The following PYY variants were observed in gnomAD, a reference collection of about 807,000 sequenced individuals.
PYY encodes the protein peptide YY, also known as peptide tyrosine tyrosine.
In PYY, 12 loss-of-function variants were observed where a neutral mutation model predicts 10.3. The observed-to-expected ratio is 1.17, with a 90% CI of 0.75 to 1.89. The LOEUF is 1.89. PYY is among the 40% of genes most tolerant of loss of function. The probability of loss-of-function intolerance (pLI) is 0.00; values close to 1 mark genes in which losing one functional copy is unlikely to be tolerated. For missense variants in PYY, 141 were observed against 134.0 expected, an observed-to-expected ratio of 1.05 and a Z score of -0.26; for synonymous variants, 66 against 62.0, an observed-to-expected ratio of 1.06 and a Z score of -0.30.
At chr17:44,001,189 G>A (rs2049024246) in intron 1 of PYY, among the ~76,000 whole-genome samples, 1 of 152,162 alleles carries the variant, frequency 6.6e-6, no homozygotes, top group African/African-American at 2.4e-5. Flanking sequence ...ATGCCCTGCT[G>A]GGCTGAGATG....
At chr17:43,953,062 C>G in intron 3 of PYY, 47 bp downstream of exon 3, 1 of 1,608,304 alleles carries the variant, frequency 6.2e-7, no homozygotes, top group Non-Finnish European at 8.5e-7. Flanking sequence ...AGGGTAGGGC[C>G]AGGCCGCGCT....
chr17:43,972,953 T>G (rs2048805278), intron 1 of PYY, among the ~76,000 whole-genome samples: 2 of 151,946 alleles, frequency 1.3e-5, no homozygotes, highest in South Asian at 4.2e-4. Context: ...GACCTCGTGA[T>G]CCGCCCGCCT....
intron 1 of PYY, among the ~76,000 whole-genome samples, chr17:43,992,156 T>G (rs1390633199): frequency 3.3e-5 from 5 of 150,316 alleles, no homozygotes; most frequent in African/African-American, 1.2e-4. Flanking sequence ...TTACCAGATA[T>G]TCCCTCTTCT....
chr17:43,975,912 A>G (rs1256213716), intron 1 of PYY, among the ~76,000 whole-genome samples: 155 of 3,864 alleles, frequency 0.04, 69 homozygotes, highest in Non-Finnish European at 0.12. Context: ...GTACGTGTAC[A>G]TACACGTGTC....
At chr17:43,972,972 C>CA in intron 1 of PYY, among the ~76,000 whole-genome samples, 1 of 152,182 alleles carries the variant, frequency 6.6e-6, no homozygotes, top group South Asian at 2.1e-4. Context: ...CTCAGCCTCC[C>CA]AAAGTGCCGG....
chr17:43,989,199 C>A (rs2048935596), intron 1 of PYY, among the ~76,000 whole-genome samples: 1 of 151,906 alleles, frequency 6.6e-6, no homozygotes, highest in Admixed American at 6.5e-5. Context: ...ACGGTGAAAC[C>A]CCGTCTCTGC....
chr17:43,997,518 G>A (rs763138427), intron 1 of PYY, among the ~76,000 whole-genome samples: 1 of 152,170 alleles, frequency 6.6e-6, no homozygotes, highest in Non-Finnish European at 1.5e-5. Flanking sequence ...GGAGTGAGCT[G>A]GCTGGAGGGG....
In PYY at chr17:43,952,815, C is replaced by G. The variant is rs1338502354; in HGVS notation, c.*141G>C. On this transcript the variant is annotated 3_prime_UTR_variant, in exon 4 of 4. Transcript: ENST00000692052. Reference sequence around the variant, plus strand: ...CCTCCAGCCCAGGGGGCGGGGGCACCGAGACGCGGGCGGAGGGCCGCACCC... The same window carrying G: ...CCTCCAGCCCAGGGGGCGGGGGCACGGAGACGCGGGCGGAGGGCCGCACCC... The G allele has an allele frequency of 1.1e-6, 1 of 912,138 alleles. No homozygotes were observed. The highest frequency in any genetic ancestry group is 1.6e-6 in the Non-Finnish European group (1 of 619,506). The allele number at this position is 912,138 out of a possible 1,614,324, so 56.5% of individuals were successfully genotyped here. A position where few individuals can be genotyped will look rare whatever the true frequency, so the allele number is the denominator to read the frequency against.
intron 2 of PYY, among the ~76,000 whole-genome samples, chr17:43,963,510 A>AG: frequency 6.7e-6 from 1 of 149,136 alleles, no homozygotes; most frequent in African/African-American, 2.5e-5. Flanking sequence ...TCCATCTCAA[A>AG]AAAAAAAAAA....
chr17:43,991,397 C>G (rs912053346), intron 1 of PYY, among the ~76,000 whole-genome samples: 1 of 152,040 alleles, frequency 6.6e-6, no homozygotes, highest in Non-Finnish European at 1.5e-5. Flanking sequence ...TGTCATTGCA[C>G]TCCAGCCTGG....
At chr17:43,976,178 T>TACATGTATAC (rs796313095) in intron 1 of PYY, among the ~76,000 whole-genome samples, 1,707 of 90,322 alleles carry the variant, frequency 0.019, 161 homozygotes, top group African/African-American at 0.11. Context: ...CATATATGTA[T>TACATGTATAC]ATATACGTAT....
chr17:43,982,826 C>T (rs763148404), intron 1 of PYY, among the ~76,000 whole-genome samples: 20 of 152,132 alleles, frequency 1.3e-4, no homozygotes, highest in Middle Eastern at 3.2e-3. Flanking sequence ...CTCATTTTGT[C>T]CTGGATAAGA....
upstream of PYY, among the ~76,000 whole-genome samples, chr17:43,957,194 TC>T (rs1280531936): frequency 1.8e-4 from 20 of 109,636 alleles, no homozygotes; most frequent in African/African-American, 7.6e-4. Flanking sequence ...TGAAACTGTC[TC>T]CAAAAAAAAA....
intron 2 of PYY, among the ~76,000 whole-genome samples, chr17:43,963,586 G>GAAAGAAAGAAAGAA (rs1555617111): frequency 1.8e-4 from 13 of 73,060 alleles, no homozygotes; most frequent in African/African-American, 5.9e-4. Context: ...AAGAAAGAAA[G>GAAAGAAAGAAAGAA]AAAGAAAGAA....
rs1567931774 is a variant in PYY, at chr17:43,975,913, TACACGTGTCTAC to T, written c.-462-9393_-462-9382del. 3.2e-3 allele frequency among the ~76,000 whole-genome samples: 16 copies of T among 5,002 alleles called. 4 individuals are homozygous for T. Among genetic ancestry groups the T allele is most frequent in the Non-Finnish European group, 0.01 (15 of 1,434 alleles). The allele number at this position is 5,002 out of a possible 152,430, so 3.3% of individuals were successfully genotyped here. On this transcript the variant is annotated intron_variant, in intron 1 of 6. Transcript: ENST00000360085. ...ATACACGTGTCTACGTACGTGTACA[TACACGTGTCTAC>T]GTACGTGTACATACACGTGTCTACG...
intron 1 of PYY, among the ~76,000 whole-genome samples, chr17:43,994,506 G>T (rs986118393): frequency 6.6e-6 from 1 of 152,178 alleles, no homozygotes; most frequent in African/African-American, 2.4e-5. Context: ...GAAGATGGAA[G>T]GATCCCCAGA....
At chr17:43,970,766 C>CT (rs1225572864) in intron 1 of PYY, among the ~76,000 whole-genome samples, 1 of 152,212 alleles carries the variant, frequency 6.6e-6, no homozygotes, top group Non-Finnish European at 1.5e-5. Context: ...TTTGCACCCA[C>CT]TACCATCACT....
chr17:43,962,841 C>T lies in PYY; in HGVS notation c.-218+3447G>A, dbSNP rs1011177107. Among the ~76,000 whole-genome samples, 3 of 152,294 alleles carry T rather than the reference C, an allele frequency of 2.0e-5. 1 individual carries two copies. The South Asian group carries it at 6.2e-4, about 32-fold the overall frequency. On this transcript the variant is annotated intron_variant, in intron 2 of 6. Transcript: ENST00000360085. Reference sequence around the variant, plus strand: ...GCGAGGGCAAGGGCACCAATGCCCTCGTTCAAGTCTAAAGGGCCTGGAGAA... The same window carrying T: ...GCGAGGGCAAGGGCACCAATGCCCTTGTTCAAGTCTAAAGGGCCTGGAGAA...
chr17:43,961,592 G>A (rs542250802), intron 2 of PYY, among the ~76,000 whole-genome samples: 113 of 152,186 alleles, frequency 7.4e-4, no homozygotes, highest in Non-Finnish European at 9.1e-4. Context: ...CCAAGCTGGA[G>A]TGCAGTGGCG....
Sources: gnomAD v4.1 joint callset for allele counts (sites outside exome capture counted in the v4.1 genomes callset) on GRCh38, gnomAD v4.1.1 for gene constraint, MANE v1.5 for transcripts, NCBI Gene and HGNC (gene_info 2026-07-23, HGNC 2026-07-21) for gene names.